The following ZC3H4 variants were observed in gnomAD, a reference collection of about 807,000 sequenced individuals.
ZC3H4 encodes zinc finger CCCH domain-containing protein 4.
ZC3H4 carries 13 observed loss-of-function variants against 108.3 expected under a neutral mutation model. That is an observed-to-expected ratio of 0.12 (90% CI 0.08 to 0.19). The LOEUF is 0.19. Ranked by LOEUF, ZC3H4 falls within the 10% of genes least tolerant of loss-of-function variation. The pLI is 1.00. For missense variants in ZC3H4, 1,734 were observed against 1,838.8 expected, an observed-to-expected ratio of 0.94 and a Z score of 1.04; for synonymous variants, 917 against 749.6, an observed-to-expected ratio of 1.22 and a Z score of -3.65.
chr19:47,090,102 C>T lies in ZC3H4; in HGVS notation c.580G>A (p.Glu194Lys), dbSNP rs771499267. Residue 194 changes from glutamate to lysine, a missense_variant, in exon 5 of 15, where the codon GAG (glutamate) becomes AAG (lysine). Physicochemically the swap from Glu to Lys is moderately conservative, Grantham distance 56. This residue lies in a region of ZC3H4 where 403 missense variants were observed against 457.0 expected (regional missense o/e 0.88). Coordinates refer to ENST00000253048, the MANE Select transcript of ZC3H4 (RefSeq NM_015168.2). Reference protein sequence around the residue: ...KMDSKSYGMYEDYENEQYGEY... With the variant: ...KMDSKSYGMYKDYENEQYGEY... ...CCATACTGCTCATTCTCGTAGTCCT[C>T]GTACATGCCATAACTCTTGCTGTCC... 2.5e-6 allele frequency: 4 copies of T among 1,614,094 alleles called. No homozygotes were observed. The highest frequency in any genetic ancestry group is 2.2e-5 in the East Asian group (1 of 44,890).
intron 8 of ZC3H4, 147 bp downstream of exon 8, chr19:47,084,909 C>T (rs1028191694): frequency 1.8e-5 from 19 of 1,063,958 alleles, no homozygotes; most frequent in East Asian, 4.8e-5. Context: ...CTCTAGTTGT[C>T]GCTGGTTATG....
chr19:47,086,393 T>A lies in ZC3H4; in HGVS notation c.861A>T (p.Glu287Asp). 1.9e-6 allele frequency: 3 copies of A among 1,613,404 alleles called. No individual in the cohort carries two copies. The highest frequency in any genetic ancestry group is 2.5e-6 in the Non-Finnish European group (3 of 1,179,766). The change falls in exon 6 of 15, where the codon GAA (glutamate) becomes GAT (aspartate). Residue 287 changes from glutamate to aspartate, a missense_variant. Transcript: ENST00000253048. The stretch of plus-strand genomic sequence containing the variant: ...CCAGAGGAAACCTTACGTCCATCTC[T>A]TCCTCGTAGAAATCCTCTTCATCCT... Reference protein sequence around the residue: ...HPEDEEDFYEEEMDYGESEEP... With the variant: ...HPEDEEDFYEDEMDYGESEEP...
chr19:47,093,521 T>C (rs768285598), intron 4 of ZC3H4, among the ~76,000 whole-genome samples: 15 of 152,210 alleles, frequency 9.9e-5, no homozygotes, highest in Non-Finnish European at 1.8e-4. Context: ...ACATGCCTCA[T>C]GGAGGTCAGC....
chr19:47,089,880 A>G, intron 5 of ZC3H4, 87 bp downstream of exon 5: 2 of 1,423,736 alleles, frequency 1.4e-6, no homozygotes, highest in Non-Finnish European at 1.9e-6. Context: ...TAAGTGACCA[A>G]ACTTGAGGTT....
intron 4 of ZC3H4, among the ~76,000 whole-genome samples, chr19:47,091,032 C>G (rs890398652): frequency 6.6e-6 from 1 of 151,886 alleles, no homozygotes; most frequent in African/African-American, 2.4e-5. Context: ...TTTGGGAGGC[C>G]GAGGCGGGCA....
rs1210806883 is a variant in ZC3H4, at chr19:47,072,208, CG to C, written c.1803-88del. 3.5e-6 allele frequency: 5 copies of C among 1,411,576 alleles called. No homozygotes were observed. In the African/African-American group the frequency reaches 7.3e-5, roughly 20 times the overall value. The allele number at this position is 1,411,576 out of a possible 1,614,324, so 87.4% of individuals were successfully genotyped here. A position where few individuals can be genotyped will look rare whatever the true frequency, so the allele number is the denominator to read the frequency against. On this transcript the variant is annotated intron_variant, in intron 12 of 14. Transcript: ENST00000253048. The surrounding 1 kb of genome is among the most constrained non-coding windows in gnomAD (Gnocchi z 5.6). The stretch of plus-strand genomic sequence containing the variant: ...GAGGAGAGGCGGAGGGCTGCAGAGC[CG>C]AAGGTCATGGGCCCCAGACCAGGAC...
intron 13 of ZC3H4, among the ~76,000 whole-genome samples, chr19:47,070,545 A>G (rs1438500134): frequency 2.0e-5 from 3 of 152,096 alleles, no homozygotes; most frequent in African/African-American, 7.2e-5. Flanking sequence ...TTTCCCGTGC[A>G]CCTTTTAGAC....
chr19:47,069,186 G>A lies in ZC3H4; in HGVS notation c.2304C>T (p.Ala768=). 6.2e-7 allele frequency: 1 copy of A among 1,610,716 alleles called. No homozygotes were observed. The highest frequency in any genetic ancestry group is 8.5e-7 in the Non-Finnish European group (1 of 1,179,962). ...VPDFLPSAQR[A]LYLRIQQKQQ... is the part of the protein sequence containing the mutation. ...GCTTCTGCTGGATCCTCAGGTACAG[G>A]GCCCTCTGGGCTGAGGGCAGGAAGT... Residue 768 remains alanine (A), a synonymous_variant, in exon 14 of 15, where the codon GCC becomes GCT. Transcript: ENST00000253048.
chr19:47,088,653 G>A (rs577382745), intron 5 of ZC3H4, among the ~76,000 whole-genome samples: 1 of 152,114 alleles, frequency 6.6e-6, no homozygotes, highest in Admixed American at 6.5e-5. Flanking sequence ...GCAAGATTCT[G>A]TCTCCCAATA....
intron 2 of ZC3H4, chr19:47,112,108 A>C: frequency 2.9e-6 from 3 of 1,047,156 alleles, no homozygotes; most frequent in East Asian, 6.9e-5. Context: ...TCCCCAGGAC[A>C]GGCGGACGGG....
intron 5 of ZC3H4, among the ~76,000 whole-genome samples, chr19:47,088,884 C>T (rs1445462500): frequency 6.6e-6 from 1 of 152,062 alleles, no homozygotes; most frequent in African/African-American, 2.4e-5. Context: ...ACAGGGGCTG[C>T]CCCAGGGAGG....
At chr19:47,079,110 A>G (rs926624824) in intron 11 of ZC3H4, among the ~76,000 whole-genome samples, 2 of 144,614 alleles carry the variant, frequency 1.4e-5, no homozygotes, top group Non-Finnish European at 3.0e-5. Flanking sequence ...GCTCACCGCA[A>G]CCACCGCCTC....
rs574442746 is a variant in ZC3H4 at position 47,086,280 on chromosome 19, G to T, written c.870+104C>A. The T allele has an allele frequency of 7.4e-6, 10 of 1,347,364 alleles. No homozygotes were observed. The Admixed American group carries it at 1.3e-4, about 18-fold the overall frequency. 83.5% of individuals were successfully genotyped at this position (1,347,364 alleles called of 1,614,324 possible). On this transcript the variant is annotated intron_variant, in intron 6 of 14. Transcript: ENST00000253048. ...AGGCTTCCCTTCCTTCAGAAGGGCC[G>T]TATGTCTTCCTACCTTGGCCTCACA...
chr19:47,096,967 C>A (rs2057831488), intron 2 of ZC3H4: 1 of 985,310 alleles, frequency 1.0e-6, no homozygotes, highest in African/African-American at 1.7e-5. Flanking sequence ...GCTGAGGCCT[C>A]CTTCCCTGTC....
At chr19:47,074,651 G>A (rs2057386172) in intron 11 of ZC3H4, among the ~76,000 whole-genome samples, 1 of 152,212 alleles carries the variant, frequency 6.6e-6, no homozygotes, top group Admixed American at 6.5e-5. Context: ...AGTTTGTGCT[G>A]AATGCCTGCT....
At position 47,085,235 on chromosome 19, in the gene ZC3H4, C is replaced by A. The variant is rs111511828; in HGVS notation, c.968-40G>T. 43 of 1,580,514 alleles carry A rather than the reference C, an allele frequency of 2.7e-5. 2 individuals carry two copies. The African/African-American group carries it at 3.2e-4, about 12-fold the overall frequency. Reference sequence around the variant, plus strand: ...TTGTGTGAAGACCTGCTGACCACCCCCTCCCCCACCCCCAGGACTAGATTC... The same window carrying A: ...TTGTGTGAAGACCTGCTGACCACCCACTCCCCCACCCCCAGGACTAGATTC... On this transcript the variant is annotated intron_variant, in intron 7 of 14. Transcript: ENST00000253048.
chr19:47,103,112 T>C lies in ZC3H4; in HGVS notation c.162-8504A>G, dbSNP rs115214007. On this transcript the variant is annotated intron_variant, in intron 2 of 14. Transcript: ENST00000253048. The stretch of plus-strand genomic sequence containing the variant: ...CTATCCCTCAGATCCAAGTTACTCC[T>C]GGCAGATGAACCTCTGGAATTTGCT... Among the ~76,000 whole-genome samples, 819 of 152,318 alleles carry C rather than the reference T, an allele frequency of 5.4e-3. 12 individuals are homozygous for C. The highest frequency in any genetic ancestry group is 0.019 in the African/African-American group (797 of 41,568).
intron 4 of ZC3H4, chr19:47,093,698 C>T (rs994187433): frequency 1.6e-5 from 5 of 320,768 alleles, no homozygotes; most frequent in Non-Finnish European, 2.9e-5. Context: ...CTCAAGGGAT[C>T]TTCTCACCTC....
At chr19:47,091,069 C>G (rs527681870) in intron 4 of ZC3H4, among the ~76,000 whole-genome samples, 1 of 151,758 alleles carries the variant, frequency 6.6e-6, no homozygotes, top group South Asian at 2.1e-4. Context: ...GATGCAGACG[C>G]GAAATGCGAT....
Sources: gnomAD v4.1 joint callset for allele counts (sites outside exome capture counted in the v4.1 genomes callset) on GRCh38, gnomAD v4.1.1 for gene constraint, gnomAD v4.1.1 regional missense constraint, Gnocchi (gnomAD v3.1) non-coding constraint, MANE v1.5 for transcripts, NCBI Gene and HGNC (gene_info 2026-07-23, HGNC 2026-07-21) for gene names.